Variants in APLF observed in about 807,000 individuals in gnomAD.
The protein encoded by APLF is aprataxin and PNKP like factor.
Under a neutral mutation model 55.6 loss-of-function variants are expected in APLF, and 61 were observed. The observed-to-expected ratio is 1.10, with a 90% CI of 0.89 to 1.36. APLF has a LOEUF of 1.36. Ranked by LOEUF, APLF falls within the 40% of genes most tolerant of loss-of-function variation. The pLI is 0.00. For synonymous variants in APLF, 207 were observed against 214.8 expected (o/e 0.96, Z 0.32); for missense variants, 611 against 602.5 (o/e 1.01, Z -0.15).
intron 2 of APLF, among the ~76,000 whole-genome samples, chr2:68,493,952 C>G (rs1676453841): frequency 6.6e-6 from 1 of 151,924 alleles, no homozygotes; most frequent in African/African-American, 2.4e-5. Context: ...ACTAAAAATA[C>G]AAGAAATTAT....
intron 8 of APLF, among the ~76,000 whole-genome samples, chr2:68,547,003 C>T (rs1670725691): frequency 6.6e-6 from 1 of 151,704 alleles, no homozygotes; most frequent in African/African-American, 2.4e-5. Context: ...TACAAAGTGG[C>T]CCACTGATGA....
chr2:68,540,774 G>GTGTGTGTGTGTGTA (rs1248873914), intron 7 of APLF, among the ~76,000 whole-genome samples: 1 of 148,864 alleles, frequency 6.7e-6, no homozygotes, highest in Non-Finnish European at 1.5e-5. Context: ...GTGCATGCGT[G>GTGTGTGTGTGTGTA]TGTGTGTGTG....
At position 68,579,752 on chromosome 2, in the gene APLF, CAGAAA is replaced by C. The variant is rs1328967642; in HGVS notation, c.*1731_*1735del. 1.3e-5 allele frequency: 2 copies of C among 158,882 alleles called. No individual in the cohort carries two copies. Among genetic ancestry groups the C allele is most frequent in the Admixed American group, 1.3e-4 (2 of 15,262 alleles). 9.8% of individuals were successfully genotyped at this position (158,882 alleles called of 1,614,324 possible). A position where few individuals can be genotyped will look rare whatever the true frequency, so the allele number is the denominator to read the frequency against. The stretch of plus-strand genomic sequence containing the variant: ...TCCAAAACAGGCAAATCCATAAAGA[CAGAAA>C]GCAAATTTGTGGTTGCCAGGGACTT... On this transcript the variant is annotated 3_prime_UTR_variant, in exon 10 of 10. Transcript: ENST00000303795.
chr2:68,518,426 TTATTATATAATATATAATAATA>T (rs1558539457), intron 5 of APLF, among the ~76,000 whole-genome samples: 2 of 112,134 alleles, frequency 1.8e-5, no homozygotes, highest in South Asian at 2.5e-4. Flanking sequence ...ATATAATAAT[TTATTATATAATATATAATAATA>T]TATTATATAT....
rs141639282 is a variant in APLF, at chr2:68,523,315, G to A, written c.623-2746G>A. Among the ~76,000 whole-genome samples the A allele has an allele frequency of 2.3e-3, 344 of 152,078 alleles. 1 individual carries two copies. The highest frequency in any genetic ancestry group is 7.8e-3 in the African/African-American group (323 of 41,544). ...CAATTGATAATATCCACTGTTGGCAGAAAGGAGTATTATCGAACATTGCTT... is the reference window on the plus strand; with the variant it reads ...CAATTGATAATATCCACTGTTGGCAAAAAGGAGTATTATCGAACATTGCTT... On this transcript the variant is annotated intron_variant, in intron 5 of 9. Transcript: ENST00000303795.
At position 68,518,335 on chromosome 2, in the gene APLF, T is replaced by C. The variant is rs1192945015; in HGVS notation, c.622+4655T>C. Among the ~76,000 whole-genome samples, 5 of 113,240 alleles carry C rather than the reference T, an allele frequency of 4.4e-5. No homozygotes were observed. The South Asian group carries it at 7.5e-4, about 17-fold the overall frequency. The allele number at this position is 113,240 out of a possible 152,430, so 74.3% of individuals were successfully genotyped here. ...TATTTAATAATATATAATATATTAA[T>C]AAATAATTATATATTAATATAGCAA... On this transcript the variant is annotated intron_variant, in intron 5 of 9. Transcript: ENST00000303795.
At chr2:68,508,316 G>A (rs938547426) in intron 3 of APLF, among the ~76,000 whole-genome samples, 1 of 151,798 alleles carries the variant, frequency 6.6e-6, no homozygotes, top group African/African-American at 2.4e-5. Flanking sequence ...CCTACATTTA[G>A]GGTCAGTTGG....
At chr2:68,510,672 G>T (rs1482551290) in intron 3 of APLF, among the ~76,000 whole-genome samples, 1 of 151,754 alleles carries the variant, frequency 6.6e-6, no homozygotes, top group Non-Finnish European at 1.5e-5. Flanking sequence ...CCACTCCTAT[G>T]TATATACCCA....
At chr2:68,570,338 A>G (rs1001673195) in intron 9 of APLF, among the ~76,000 whole-genome samples, 2 of 151,508 alleles carry the variant, frequency 1.3e-5, no homozygotes, top group Non-Finnish European at 2.9e-5. Context: ...ACATGTGCAC[A>G]GTGTGCAGGT....
chr2:68,510,459 A>T (rs1011050879), intron 3 of APLF, among the ~76,000 whole-genome samples: 3 of 151,876 alleles, frequency 2.0e-5, no homozygotes, highest in African/African-American at 7.2e-5. Context: ...AGGGAAATGC[A>T]AATTAACACC....
At chr2:68,477,824 A>G (rs757028630) in intron 1 of APLF, among the ~76,000 whole-genome samples, 2 of 151,864 alleles carry the variant, frequency 1.3e-5, no homozygotes, top group African/African-American at 2.4e-5. Context: ...GTGCAGGGGA[A>G]CTCCCATTTA....
At chr2:68,482,227 T>C (rs1189987589) in intron 1 of APLF, among the ~76,000 whole-genome samples, 2 of 152,204 alleles carry the variant, frequency 1.3e-5, no homozygotes, top group Admixed American at 6.5e-5. Flanking sequence ...TCTAATTTTA[T>C]GCAGTAGCTT....
At chr2:68,551,969 A>G (rs953331194) in intron 8 of APLF, among the ~76,000 whole-genome samples, 1 of 152,078 alleles carries the variant, frequency 6.6e-6, no homozygotes, top group Non-Finnish European at 1.5e-5. Flanking sequence ...TTGGAGTTTT[A>G]TTAAAACTCA....
At chr2:68,559,863 A>G (rs1016551766) in intron 8 of APLF, among the ~76,000 whole-genome samples, 8 of 152,120 alleles carry the variant, frequency 5.3e-5, no homozygotes, top group African/African-American at 1.9e-4. Flanking sequence ...TCTTACTCAT[A>G]ACTTTCCAGT....
intron 6 of APLF, among the ~76,000 whole-genome samples, chr2:68,531,970 A>G (rs1451195304): frequency 6.6e-6 from 1 of 152,134 alleles, no homozygotes; most frequent in African/African-American, 2.4e-5. Context: ...CTTCCTTGTG[A>G]GGAAGATTTA....
chr2:68,542,354 G>A (rs939491303), intron 7 of APLF, among the ~76,000 whole-genome samples: 5 of 152,064 alleles, frequency 3.3e-5, no homozygotes, highest in African/African-American at 1.2e-4. Context: ...AATTAACACA[G>A]AGTGAAATGA....
intron 1 of APLF, among the ~76,000 whole-genome samples, chr2:68,469,419 T>A (rs1295412832): frequency 1.3e-5 from 2 of 152,216 alleles, no homozygotes; most frequent in African/African-American, 4.8e-5. Flanking sequence ...TTCTTTGTGT[T>A]GTCGACTTGC....
chr2:68,537,368 C>CA (rs1396592773), intron 6 of APLF, among the ~76,000 whole-genome samples: 2 of 144,238 alleles, frequency 1.4e-5, no homozygotes, highest in African/African-American at 2.5e-5. Flanking sequence ...CTTTTCTTTC[C>CA]TTTTTTTTTT....
At chr2:68,484,223 A>G (rs1029798584) in intron 1 of APLF, among the ~76,000 whole-genome samples, 1 of 152,160 alleles carries the variant, frequency 6.6e-6, no homozygotes. Flanking sequence ...TTCTTCTGGT[A>G]TAATCTTCAT....
Sources: gnomAD v4.1 joint callset for allele counts (sites outside exome capture counted in the v4.1 genomes callset) on GRCh38, gnomAD v4.1.1 for gene constraint, MANE v1.5 for transcripts, NCBI Gene and HGNC (gene_info 2026-07-23, HGNC 2026-07-21) for gene names.